PKD1L1: variants seen among roughly 807,000 people sequenced by gnomAD.
The protein encoded by PKD1L1 is polycystin-1-like protein 1.
PKD1L1 carries 236 observed loss-of-function variants against 323.4 expected under a neutral mutation model. The ratio of observed to expected loss-of-function variants is 0.73; its 90% confidence interval spans 0.66 to 0.81. The LOEUF is 0.81. Among genes scored for constraint, PKD1L1 ranks in the 40% least tolerant of loss-of-function variants. PKD1L1 has a pLI of 0.00. For synonymous variants in PKD1L1, 1,344 were observed against 1,335.0 expected, an observed-to-expected ratio of 1.01 and a Z score of -0.15; for missense variants, 3,320 against 3,508.0, an observed-to-expected ratio of 0.95 and a Z score of 1.35.
At chr7:47,804,720 G>A (rs1784740938) in intron 52 of PKD1L1, among the ~76,000 whole-genome samples, 1 of 152,024 alleles carries the variant, frequency 6.6e-6, no homozygotes, top group Admixed American at 6.6e-5. Flanking sequence ...TCTGAACTCA[G>A]GCAATCTGTC....
intron 37 of PKD1L1, among the ~76,000 whole-genome samples, chr7:47,836,099 C>A (rs1785451450): frequency 6.6e-6 from 1 of 152,194 alleles, no homozygotes; most frequent in South Asian, 2.1e-4. Context: ...CGGAGCTGTT[C>A]CCTTCCTGCT....
chr7:47,829,888 G>T, intron 43 of PKD1L1, 152 bp downstream of exon 43: 1 of 817,974 alleles, frequency 1.2e-6, no homozygotes, highest in Non-Finnish European at 2.0e-6. Context: ...GTGCAGCTTA[G>T]CACAGAGCCT....
chr7:47,812,120 A>C, intron 49 of PKD1L1, 69 bp from the exon 50 acceptor site: 1 of 1,310,690 alleles, frequency 7.6e-7, no homozygotes, highest in Non-Finnish European at 1.1e-6. Context: ...TGAGGCTCCC[A>C]GCTGCAGGTC....
At chr7:47,880,315 T>C (rs112258714) in intron 21 of PKD1L1, among the ~76,000 whole-genome samples, 20,638 of 95,768 alleles carry the variant, frequency 0.22, 3,771 homozygotes, top group African/African-American at 0.39. Context: ...ACAGTCTTGC[T>C]CTGTCGCCCA....
In PKD1L1 at chr7:47,859,414, T is replaced by C. The variant is rs548467054; in HGVS notation, c.4150-529A>G. Among the ~76,000 whole-genome samples the C allele has an allele frequency of 2.6e-5, 4 of 152,278 alleles. No homozygotes were observed. In the South Asian group the frequency reaches 8.3e-4, roughly 32 times the overall value. Reference sequence around the variant, plus strand: ...TCTACCTGCAGTACCTTTACCCTCATTTGGACTGGCAGAATCCAATCCTGC... The same window carrying C: ...TCTACCTGCAGTACCTTTACCCTCACTTGGACTGGCAGAATCCAATCCTGC... On this transcript the variant is annotated intron_variant, in intron 26 of 56. Transcript: ENST00000289672.
At chr7:47,886,881 C>G (rs1162780832) in intron 17 of PKD1L1, among the ~76,000 whole-genome samples, 1 of 152,084 alleles carries the variant, frequency 6.6e-6, no homozygotes, top group African/African-American at 2.4e-5. Context: ...GTTTTCAAAA[C>G]TGCTGTTAGA....
chr7:47,884,372 G>C (rs991531762), intron 19 of PKD1L1, among the ~76,000 whole-genome samples: 13 of 152,134 alleles, frequency 8.5e-5, no homozygotes, highest in Non-Finnish European at 1.9e-4. Flanking sequence ...CTTGGGCCTG[G>C]GGCTACTGTT....
rs376111747 is a variant in PKD1L1 at position 47,943,234 on chromosome 7, T to C, written c.160+162A>G. 4.7e-5 allele frequency among the ~76,000 whole-genome samples: 7 copies of C among 150,330 alleles called. 1 individual carries two copies. The East Asian group carries it at 5.8e-4, about 13-fold the overall frequency. On this transcript the variant is annotated intron_variant, in intron 2 of 56. Coordinates refer to ENST00000289672, the MANE Select transcript of PKD1L1 (RefSeq NM_138295.5). ...ATCCTGGCATGTGGACTATTTAAGT[T>C]AGAGGCACTTGCAAAACAGCAGGTT...
intron 45 of PKD1L1, among the ~76,000 whole-genome samples, chr7:47,822,551 C>T (rs1785162692): frequency 7.1e-6 from 1 of 141,038 alleles, no homozygotes. Context: ...GCCGAGATCG[C>T]GCCATTGCGC....
intron 18 of PKD1L1, among the ~76,000 whole-genome samples, chr7:47,885,458 C>T (rs1786660756): frequency 6.6e-6 from 1 of 152,196 alleles, no homozygotes; most frequent in African/African-American, 2.4e-5. Context: ...GACCTCACTG[C>T]AGCCTCAGAA....
At chr7:47,816,005 G>A (rs932363683) in intron 46 of PKD1L1, among the ~76,000 whole-genome samples, 1 of 152,180 alleles carries the variant, frequency 6.6e-6, no homozygotes. Context: ...AAGGCAGAGG[G>A]GACGGCGAGG....
At position 47,813,194 on chromosome 7, in the gene PKD1L1, G is replaced by T; in HGVS notation, c.7273C>A (p.Gln2425Lys). Residue 2425 changes from glutamine to lysine, a missense_variant, in exon 49 of 57, where the codon CAA becomes AAA. Transcript: ENST00000289672. ...ENPYLIDPEN[Q>K]NVTLNGPGGC... ...CCAGGACCATTCAGGGTCACGTTTT[G>T]GTTCTCTGGGTCTATCAGGTAGGGG... The T allele has an allele frequency of 1.2e-6, 2 of 1,614,198 alleles. No individual in the cohort carries two copies. Among genetic ancestry groups the T allele is most frequent in the Non-Finnish European group, 1.7e-6 (2 of 1,180,032 alleles).
intron 26 of PKD1L1, among the ~76,000 whole-genome samples, chr7:47,863,315 TGTA>T (rs1786073442): frequency 6.6e-6 from 1 of 151,986 alleles, no homozygotes; most frequent in African/African-American, 2.4e-5. Flanking sequence ...AATGAGAGCG[TGTA>T]GTTATACGTG....
At chr7:47,825,950 C>T (rs916671807) in intron 45 of PKD1L1, among the ~76,000 whole-genome samples, 2 of 152,004 alleles carry the variant, frequency 1.3e-5, no homozygotes, top group Non-Finnish European at 1.5e-5. Flanking sequence ...TTGGATGCTT[C>T]CCCCAGCAGC....
At chr7:47,936,225 GTGT>G (rs1787864810) in intron 4 of PKD1L1, among the ~76,000 whole-genome samples, 2 of 152,120 alleles carry the variant, frequency 1.3e-5, no homozygotes, top group South Asian at 4.1e-4. Context: ...CAGTTCAGTG[GTGT>G]TAAGTGTATG....
chr7:47,881,819 T>C (rs1384618028), intron 20 of PKD1L1, 90 bp downstream of exon 20: 5 of 1,323,054 alleles, frequency 3.8e-6, no homozygotes, highest in East Asian at 2.4e-5. Context: ...ACTTATCTAG[T>C]AAAACGAAAA....
At chr7:47,952,416 A>G (rs1157624843), upstream of PKD1L1, among the ~76,000 whole-genome samples, 2 of 152,054 alleles carry the variant, frequency 1.3e-5, no homozygotes, top group African/African-American at 4.8e-5. Flanking sequence ...CATAAATGGA[A>G]CCCGAAGCAA....
chr7:47,802,222 T>G (rs1784679653), intron 53 of PKD1L1, among the ~76,000 whole-genome samples: 1 of 150,030 alleles, frequency 6.7e-6, no homozygotes, highest in African/African-American at 2.5e-5. Context: ...CAGTTTTGCA[T>G]GTTGCTAAAT....
intron 20 of PKD1L1, among the ~76,000 whole-genome samples, 185 bp from the exon 21 acceptor site, chr7:47,880,990 G>C (rs61196596): frequency 6.6e-6 from 1 of 151,764 alleles, no homozygotes; most frequent in Admixed American, 6.6e-5. Flanking sequence ...AGCCTGTCCT[G>C]CCCAACAGAA....
Sources: gnomAD v4.1 joint callset for allele counts (sites outside exome capture counted in the v4.1 genomes callset) on GRCh38, gnomAD v4.1.1 for gene constraint, MANE v1.5 for transcripts, NCBI Gene and HGNC (gene_info 2026-07-23, HGNC 2026-07-21) for gene names.